The following SYN3 variants were observed in gnomAD, a reference collection of about 807,000 sequenced individuals.
The protein encoded by SYN3 is synapsin-3.
A neutral mutation model predicts 65.8 loss-of-function variants in SYN3; 35 were observed. The ratio of observed to expected loss-of-function variants is 0.53; its 90% CI spans 0.41 to 0.70. SYN3 has a LOEUF of 0.70. SYN3 is among the 30% of genes least tolerant of loss of function. SYN3 has a pLI of 0.00. For missense variants in SYN3, 680 were observed against 749.0 expected, an observed-to-expected ratio of 0.91 and a Z score of 1.08; for synonymous variants, 270 against 292.9, an observed-to-expected ratio of 0.92 and a Z score of 0.80.
rs573967733 is a variant in SYN3 at position 32,848,719 on chromosome 22, G to T, written c.711+16196C>A. On this transcript the variant is annotated intron_variant, in intron 6 of 13. Coordinates refer to ENST00000358763, the MANE Select transcript of SYN3 (RefSeq NM_003490.4). ...AGAGATTAGTATCATTATGATTCCT[G>T]TTTTATAGAAGAGGAGGCCAGAAAC... is the stretch of plus-strand genomic sequence containing the variant. Among the ~76,000 whole-genome samples the T allele has an allele frequency of 3.9e-5, 6 of 152,322 alleles. No individual in the cohort carries two copies. The East Asian group carries it at 9.6e-4, about 24-fold the overall frequency.
At chr22:32,529,399 G>C (rs1425505772) in intron 10 of SYN3, among the ~76,000 whole-genome samples, 1 of 152,138 alleles carries the variant, frequency 6.6e-6, no homozygotes, top group Non-Finnish European at 1.5e-5. Flanking sequence ...TTTCCACAAA[G>C]CAGAAACAGT....
In SYN3 at chr22:33,006,371, C is replaced by G; in HGVS notation, c.292G>C (p.Asp98His). 4.3e-6 allele frequency: 7 copies of G among 1,612,570 alleles called. No individual in the cohort carries two copies. The highest frequency in any genetic ancestry group is 5.9e-6 in the Non-Finnish European group (7 of 1,179,090). Residue 98 changes from aspartate (D) to histidine (H), a missense_variant, in exon 2 of 14, where the codon GAT (aspartate) becomes CAT (histidine). Asp to His is a moderately conservative substitution (Grantham distance 81). Transcript: ENST00000358763. ...VQRPRILLVI[D>H]DAHTDWSKYF... is the part of the protein sequence containing the mutation. The stretch of plus-strand genomic sequence containing the variant: ...ACTTACCAGTCTGTATGGGCATCAT[C>G]GATCACCAACAGGATCCTGGGTCTT...
intron 6 of SYN3, among the ~76,000 whole-genome samples, chr22:32,642,607 A>AT (rs1006957873): frequency 7.0e-4 from 106 of 151,714 alleles, no homozygotes; most frequent in African/African-American, 2.3e-3. Context: ...CGCCTGGCTA[A>AT]TTTTTTGTAT....
intron 4 of SYN3, among the ~76,000 whole-genome samples, chr22:32,904,105 A>G (rs1454161145): frequency 6.6e-6 from 1 of 152,250 alleles, no homozygotes; most frequent in Non-Finnish European, 1.5e-5. Context: ...AAGGTGGGTA[A>G]TAAATGAGAC....
chr22:32,565,468 C>T (rs956585509), intron 7 of SYN3, among the ~76,000 whole-genome samples: 145 of 150,436 alleles, frequency 9.6e-4, no homozygotes, highest in Middle Eastern at 3.5e-3. Context: ...AAATAGTTTA[C>T]GTATATACAT....
chr22:32,994,046 T>C (rs2052804727), intron 2 of SYN3, among the ~76,000 whole-genome samples: 1 of 151,936 alleles, frequency 6.6e-6, no homozygotes. Flanking sequence ...CCGAAAGAGC[T>C]GGGTAGGAAG....
At chr22:33,047,444 C>T (rs898326903) in intron 1 of SYN3, among the ~76,000 whole-genome samples, 8 of 152,308 alleles carry the variant, frequency 5.3e-5, no homozygotes, top group South Asian at 2.1e-4. Flanking sequence ...CACCTGCCTA[C>T]GTGGCCCCTG....
intron 6 of SYN3, among the ~76,000 whole-genome samples, chr22:32,665,691 C>G (rs2060280602): frequency 6.6e-6 from 1 of 152,050 alleles, no homozygotes. Flanking sequence ...GCTGCCCTCC[C>G]TTAGTCGCCA....
At chr22:32,734,693 T>C (rs1269398558) in intron 6 of SYN3, among the ~76,000 whole-genome samples, 1 of 152,220 alleles carries the variant, frequency 6.6e-6, no homozygotes. Context: ...CAGTGTTTGC[T>C]GATTCTAGGA....
At chr22:32,953,044 T>C (rs2051338146) in intron 3 of SYN3, among the ~76,000 whole-genome samples, 1 of 152,224 alleles carries the variant, frequency 6.6e-6, no homozygotes. Flanking sequence ...GTGTAATGAA[T>C]GTTAGCTATC....
At chr22:32,549,745 A>T (rs1379366894) in intron 7 of SYN3, among the ~76,000 whole-genome samples, 2 of 152,212 alleles carry the variant, frequency 1.3e-5, no homozygotes, top group Non-Finnish European at 2.9e-5. Flanking sequence ...GTAAAAATAC[A>T]AAAATTAGCC....
chr22:32,755,992 G>C (rs945386493), intron 6 of SYN3, among the ~76,000 whole-genome samples: 2 of 148,782 alleles, frequency 1.3e-5, no homozygotes, highest in African/African-American at 2.5e-5. Flanking sequence ...AACGCCGCAT[G>C]TTTTTACTCG....
intron 3 of SYN3, among the ~76,000 whole-genome samples, chr22:32,948,736 C>CAATAAATAAATA (rs71187222): frequency 0.2 from 29,184 of 149,570 alleles, 3,374 homozygotes; most frequent in Non-Finnish European, 0.26. Context: ...GACTCCGTCT[C>CAATAAATAAATA]AATAAATAAA....
Position 32,518,181 on chromosome 22 carries a change from G to A in SYN3, c.1472C>T (p.Ser491Phe). The change falls in exon 13 of 14, where the codon TCC (serine) becomes TTC (phenylalanine). Residue 491 changes from serine (S) to phenylalanine (F), a missense_variant. By Grantham distance (155) the Ser-to-Phe change is radical. Transcript: ENST00000358763. ...GGCCTGGTTTGGGGAGCTGCCACTG[G>A]ATGCCCGGGATAGCTGCGGAGAGCC... ...SPGSPQLSRA[S>F]SGSSPNQASK... 6.2e-7 allele frequency: 1 copy of A among 1,613,826 alleles called. No homozygotes were observed. The highest frequency in any genetic ancestry group is 8.5e-7 in the Non-Finnish European group (1 of 1,179,946).
intron 3 of SYN3, among the ~76,000 whole-genome samples, chr22:32,962,481 C>G (rs1367311635): frequency 1.3e-5 from 2 of 152,080 alleles, no homozygotes; most frequent in Non-Finnish European, 2.9e-5. Flanking sequence ...ATGCAGAGAA[C>G]AGTTAAGGTA....
At chr22:32,646,275 T>C (rs931551596) in intron 6 of SYN3, among the ~76,000 whole-genome samples, 2 of 152,142 alleles carry the variant, frequency 1.3e-5, no homozygotes, top group African/African-American at 4.8e-5. Flanking sequence ...CATTGGTGTT[T>C]CCTCCCACTG....
intron 8 of SYN3, 130 bp downstream of exon 8, chr22:32,541,441 A>T (rs1022255187): frequency 8.5e-7 from 1 of 1,175,974 alleles, no homozygotes; most frequent in African/African-American, 1.5e-5. Context: ...CACTGGACAG[A>T]GAAGAAGGGC....
intron 3 of SYN3, among the ~76,000 whole-genome samples, chr22:32,963,674 G>A (rs1458186443): frequency 6.6e-6 from 1 of 152,084 alleles, no homozygotes; most frequent in Non-Finnish European, 1.5e-5. Context: ...CTCTCATGGG[G>A]ACCACTAAGC....
intron 6 of SYN3, among the ~76,000 whole-genome samples, chr22:32,704,955 C>A (rs140550061): frequency 6.6e-6 from 1 of 152,128 alleles, no homozygotes; most frequent in Non-Finnish European, 1.5e-5. Context: ...GGACATTAGA[C>A]CTTTGTCAGG....
Sources: gnomAD v4.1 joint callset for allele counts (sites outside exome capture counted in the v4.1 genomes callset) on GRCh38, gnomAD v4.1.1 for gene constraint, MANE v1.5 for transcripts, NCBI Gene and HGNC (gene_info 2026-07-23, HGNC 2026-07-21) for gene names.